The following ARHGEF28 variants were observed in gnomAD, a reference collection of about 807,000 sequenced individuals.
ARHGEF28 encodes the protein Rho guanine nucleotide exchange factor 28.
A neutral mutation model predicts 206.6 loss-of-function variants in ARHGEF28; 152 were observed. The ratio of observed to expected loss-of-function variants is 0.74; its 90% CI spans 0.64 to 0.84. The LOEUF (loss-of-function observed/expected upper bound fraction) is 0.84, where lower values mean the gene tolerates loss of function less well. ARHGEF28 is among the 40% of genes least tolerant of loss of function. The probability of loss-of-function intolerance (pLI) is 0.00; values close to 1 mark genes in which losing one functional copy is unlikely to be tolerated. For synonymous variants in ARHGEF28, 763 were observed against 776.4 expected (o/e 0.98, Z 0.29); for missense variants, 2,028 against 2,073.2 (o/e 0.98, Z 0.42).
chr5:73,714,475 A>G (rs753917207), intron 2 of ARHGEF28, among the ~76,000 whole-genome samples: 4 of 152,196 alleles, frequency 2.6e-5, no homozygotes, highest in South Asian at 2.1e-4. Flanking sequence ...TAATTCTTCT[A>G]TCCTCAGAAG....
At chr5:73,731,190 A>G (rs1750604288) in intron 2 of ARHGEF28, among the ~76,000 whole-genome samples, 2 of 152,144 alleles carry the variant, frequency 1.3e-5, no homozygotes, top group Non-Finnish European at 1.5e-5. Context: ...CTTGGTAGTT[A>G]TGTGTGCTTT....
At chr5:73,671,725 T>TATAC (rs1554052884) in intron 1 of ARHGEF28, among the ~76,000 whole-genome samples, 3 of 8,152 alleles carry the variant, frequency 3.7e-4, no homozygotes, top group Non-Finnish European at 5.9e-4. Flanking sequence ...TATATATATA[T>TATAC]ATATATATAT....
intron 2 of ARHGEF28, among the ~76,000 whole-genome samples, chr5:73,733,298 AT>A (rs1219025257): frequency 6.6e-6 from 1 of 152,260 alleles, no homozygotes; most frequent in Non-Finnish European, 1.5e-5. Context: ...AGAGGCATTC[AT>A]TATTACATTT....
chr5:73,761,023 A>T (rs917384947), intron 4 of ARHGEF28, among the ~76,000 whole-genome samples: 1 of 152,176 alleles, frequency 6.6e-6, no homozygotes, highest in African/African-American at 2.4e-5. Context: ...TCTCTCCCTC[A>T]ATTATAATTT....
In ARHGEF28 at chr5:73,868,192, G is replaced by A; in HGVS notation, c.2390G>A (p.Gly797Asp). ...TCTGATGAGCTGCTACAGTCCATGG[G>A]CTCTTCTCCCTCTACAGAGTCTTTC... ...SHSDELLQSM[G>D]SSPSTESFIM... The change falls in exon 20 of 36, where the codon GGC becomes GAC. Residue 797 changes from glycine to aspartate, a missense_variant. Around this residue, in one of 3 missense-constraint regions of ARHGEF28, gnomAD observed 1,002 missense variants for 1,015.3 expected, o/e 0.99. Coordinates refer to ENST00000513042, the MANE Select transcript of ARHGEF28 (RefSeq NM_001177693.2). 1.3e-6 allele frequency: 2 copies of A among 1,596,786 alleles called. No homozygotes were observed. The highest frequency in any genetic ancestry group is 1.7e-6 in the Non-Finnish European group (2 of 1,170,918).
intron 11 of ARHGEF28, among the ~76,000 whole-genome samples, chr5:73,841,418 A>G (rs1039776137): frequency 4.6e-5 from 7 of 152,160 alleles, no homozygotes; most frequent in African/African-American, 1.7e-4. Flanking sequence ...ATAAAGAAAA[A>G]CAAGAGGCCT....
chr5:73,857,342 A>G (rs1182729518), intron 14 of ARHGEF28, among the ~76,000 whole-genome samples: 2 of 152,156 alleles, frequency 1.3e-5, no homozygotes, highest in African/African-American at 4.8e-5. Flanking sequence ...TATTTCCTCA[A>G]TATTTTATTA....
intron 31 of ARHGEF28, chr5:73,901,693 C>T (rs1288626147): frequency 1.3e-5 from 2 of 153,718 alleles, no homozygotes; most frequent in African/African-American, 4.8e-5. Flanking sequence ...ATTCTTGCTT[C>T]TTTCACCTTC....
chr5:73,656,730 G>A (rs967029238), intron 1 of ARHGEF28, among the ~76,000 whole-genome samples: 1 of 152,132 alleles, frequency 6.6e-6, no homozygotes, highest in African/African-American at 2.4e-5. Flanking sequence ...TGGATCCTCT[G>A]CATACTCAGA....
chr5:73,877,815 A>G (rs1380798299), intron 22 of ARHGEF28, among the ~76,000 whole-genome samples: 1 of 151,928 alleles, frequency 6.6e-6, no homozygotes, highest in African/African-American at 2.4e-5. Context: ...GTTCTTTTAC[A>G]TTTTCTGAGG....
rs192518112 is a variant in ARHGEF28 at position 73,687,093 on chromosome 5, T to C, written c.33+2209T>C. On this transcript the variant is annotated intron_variant, in intron 2 of 35. Transcript: ENST00000513042. ...TTACAGGGGTTCATATTGTTGTCAT[T>C]TCAGTTTATTTATATACCTTGCTGG... Among the ~76,000 whole-genome samples the C allele has an allele frequency of 6.3e-4, 96 of 152,288 alleles. 1 individual carries two copies. The highest frequency in any genetic ancestry group is 1.0e-3 in the South Asian group (5 of 4,824).
chr5:73,871,488 A>T (rs1049136036), intron 21 of ARHGEF28, among the ~76,000 whole-genome samples: 2 of 152,216 alleles, frequency 1.3e-5, no homozygotes, highest in African/African-American at 4.8e-5. Context: ...CTGATATTTA[A>T]GGTTCTTTCC....
At chr5:73,780,804 A>G in intron 7 of ARHGEF28, 59 bp downstream of exon 7, 1 of 1,524,652 alleles carries the variant, frequency 6.6e-7, no homozygotes. Context: ...CAACAATCTA[A>G]CCAGTCCGTT....
At chr5:73,925,987 T>C (rs1763779206) in intron 35 of ARHGEF28, among the ~76,000 whole-genome samples, 1 of 152,212 alleles carries the variant, frequency 6.6e-6, no homozygotes, top group Non-Finnish European at 1.5e-5. Context: ...CTAGGATAGG[T>C]GTCTGTTTAA....
chr5:73,651,417 T>C (rs985235624), intron 1 of ARHGEF28, among the ~76,000 whole-genome samples: 3 of 152,214 alleles, frequency 2.0e-5, no homozygotes, highest in African/African-American at 7.2e-5. Context: ...CATTAGAAGA[T>C]CTTGTTTTGA....
At chr5:73,636,046 G>A (rs1179638549) in intron 1 of ARHGEF28, among the ~76,000 whole-genome samples, 1 of 152,140 alleles carries the variant, frequency 6.6e-6, no homozygotes, top group Non-Finnish European at 1.5e-5. Context: ...CAATAAAACA[G>A]TATCAAGGAC....
At chr5:73,645,355 G>T (rs1380954576) in intron 1 of ARHGEF28, among the ~76,000 whole-genome samples, 3 of 152,092 alleles carry the variant, frequency 2.0e-5, no homozygotes, top group African/African-American at 7.2e-5. Flanking sequence ...TAATTAGGTT[G>T]TTAGGGTTTC....
intron 35 of ARHGEF28, among the ~76,000 whole-genome samples, chr5:73,933,933 T>C (rs558774784): frequency 8.8e-4 from 125 of 141,908 alleles, no homozygotes; most frequent in East Asian, 2.8e-3. Context: ...TTTTTTTTTT[T>C]CCCCCTCAGT....
rs1275150605 is a variant in ARHGEF28 at position 73,773,939 on chromosome 5, G to A, written c.560G>A (p.Gly187Glu). The change falls in exon 5 of 36, where the codon GGG (glycine) becomes GAG (glutamate). Residue 187 changes from glycine (G) to glutamate (E), a missense_variant. Physicochemically the swap from Gly to Glu is moderately conservative, Grantham distance 98 (BLOSUM62 -2). Transcript: ENST00000513042. ...TCCCAGTTCTTCTTGTGTCTCCCGGGGGGAGTCCAGGCCTTGGCTTTACCC... is the reference window on the plus strand; with the variant it reads ...TCCCAGTTCTTCTTGTGTCTCCCGGAGGGAGTCCAGGCCTTGGCTTTACCC... The part of the protein sequence containing the change: ...KLSQFFLCLP[G>E]GVQALALPNE... 1.9e-6 allele frequency: 3 copies of A among 1,607,548 alleles called. No homozygotes were observed. The highest frequency in any genetic ancestry group is 1.1e-5 in the South Asian group (1 of 89,264).
Sources: allele counts gnomAD v4.1 joint callset (sites outside exome capture counted in the v4.1 genomes callset), GRCh38; gene constraint gnomAD v4.1.1; regional missense constraint gnomAD v4.1.1; transcripts MANE v1.5; gene names NCBI Gene and HGNC (gene_info 2026-07-23, HGNC 2026-07-21).